The following DMD variants were observed in gnomAD, a reference collection of about 807,000 sequenced individuals.
DMD encodes dystrophin, also known as mutant dystrophin.
DMD carries 63 observed loss-of-function variants against 330.1 expected under a neutral mutation model. The ratio of observed to expected loss-of-function variants is 0.19; its 90% CI spans 0.16 to 0.24. The LOEUF (loss-of-function observed/expected upper bound fraction) is 0.24, where lower values mean the gene tolerates loss of function less well. Ranked by LOEUF, DMD falls within the 10% of genes least tolerant of loss-of-function variation. The pLI is 1.00. For synonymous variants in DMD, 1,223 were observed against 959.8 expected (o/e 1.27, Z -5.07); for missense variants, 3,344 against 2,684.1 (o/e 1.25, Z -5.43).
intron 42 of DMD, among the ~76,000 whole-genome samples, chrX:32,298,286 C>T (rs921137363): frequency 8.2e-5 from 9 of 110,200 alleles, no homozygotes; most frequent in African/African-American, 2.7e-4. Context: ...GGTTGAATTC[C>T]GGATACATTG....
intron 50 of DMD, among the ~76,000 whole-genome samples, chrX:31,797,860 T>C (rs921847973): frequency 2.1e-4 from 24 of 111,820 alleles, no homozygotes; most frequent in Admixed American, 2.1e-3. Flanking sequence ...GGAAGATTTA[T>C]AGGTGGTAAG....
At chrX:31,987,645 T>A (rs2095518962) in intron 44 of DMD, among the ~76,000 whole-genome samples, 1 of 112,170 alleles carries the variant, frequency 8.9e-6, no homozygotes, top group Non-Finnish European at 1.9e-5. Flanking sequence ...TGAGATATCA[T>A]CTCATTCCAG....
intron 76 of DMD, among the ~76,000 whole-genome samples, chrX:31,136,456 T>G (rs984798196): frequency 8.0e-5 from 9 of 112,218 alleles, no homozygotes; most frequent in African/African-American, 2.9e-4. Context: ...CAGGGCTGAT[T>G]ACATCTCTCT....
chrX:32,942,263 G>A (rs73466865), intron 2 of DMD, among the ~76,000 whole-genome samples: 1 of 112,295 alleles, frequency 8.9e-6, no homozygotes, highest in African/African-American at 3.2e-5. Context: ...ATCCATTTTG[G>A]CTGGAGCAGT....
chrX:32,455,142 T>C (rs2098351511), intron 25 of DMD, among the ~76,000 whole-genome samples: 1 of 111,317 alleles, frequency 9.0e-6, no homozygotes, highest in Non-Finnish European at 1.9e-5. Context: ...TAAAATAATA[T>C]GTTTCAGTTG....
intron 63 of DMD, among the ~76,000 whole-genome samples, chrX:31,233,839 A>G (rs1410122285): frequency 3.6e-5 from 4 of 112,134 alleles, no homozygotes; most frequent in African/African-American, 1.3e-4. Flanking sequence ...TCTGGTAACC[A>G]CAGACCAGAG....
chrX:33,116,832 C>A (rs1192536645), intron 1 of DMD, among the ~76,000 whole-genome samples: 1 of 110,446 alleles, frequency 9.1e-6, no homozygotes, highest in Admixed American at 9.8e-5. Flanking sequence ...ATGAGCTGGC[C>A]TGTATAGGAG....
intron 2 of DMD, among the ~76,000 whole-genome samples, chrX:32,877,541 G>T (rs192788843): frequency 8.9e-6 from 1 of 112,159 alleles, no homozygotes; most frequent in East Asian, 2.8e-4. Context: ...TAGCCCTTTA[G>T]AGGTTATAGC....
intron 47 of DMD, among the ~76,000 whole-genome samples, chrX:31,895,213 G>A (rs1306682843): frequency 3.6e-5 from 4 of 111,572 alleles, no homozygotes; most frequent in African/African-American, 1.3e-4. Flanking sequence ...AGGAGAGAAG[G>A]ATGATTTCAC....
chrX:32,689,431 C>T (rs1486899935), intron 9 of DMD, among the ~76,000 whole-genome samples: 3 of 111,003 alleles, frequency 2.7e-5, no homozygotes, highest in Non-Finnish European at 5.7e-5. Context: ...TTTAAACTCT[C>T]AACAAAGAAA....
In DMD at chrX:31,496,799, C is replaced by A. The variant is rs753351870; in HGVS notation, c.8536G>T (p.Asp2846Tyr). The A allele has an allele frequency of 7.4e-6, 9 of 1,212,053 alleles. No individual in the cohort carries two copies. The highest frequency in any genetic ancestry group is 1.0e-5 in the Non-Finnish European group (9 of 895,565). ...TAAAAATGTCCTACCCTATGTACAT[C>A]GTTCTGCTTCTGAACTGCTGGAAAG... ...GDFPAVQKQNDVHRAFKRELK... is the reference protein window; with the variant it reads ...GDFPAVQKQNYVHRAFKRELK... The change falls in exon 57 of 79, where the codon GAT becomes TAT. Residue 2846 changes from aspartate to tyrosine, a missense_variant. Coordinates refer to ENST00000357033, the MANE Select transcript of DMD (RefSeq NM_004006.3).
chrX:32,704,110 A>C (rs1046178998), intron 7 of DMD, among the ~76,000 whole-genome samples: 3 of 112,011 alleles, frequency 2.7e-5, no homozygotes, highest in East Asian at 2.8e-4. Context: ...CTATGGAACA[A>C]ATAAATCATT....
intron 30 of DMD, among the ~76,000 whole-genome samples, chrX:32,398,367 G>T (rs181175607): frequency 3.7e-5 from 4 of 107,982 alleles, no homozygotes; most frequent in African/African-American, 1.3e-4. Context: ...ATAGGCCAAA[G>T]GAAACAGTCT....
At chrX:32,044,990 G>A (rs2096052557) in intron 44 of DMD, among the ~76,000 whole-genome samples, 1 of 111,322 alleles carries the variant, frequency 9.0e-6, no homozygotes, top group Non-Finnish European at 1.9e-5. Context: ...TGTTGGTGGT[G>A]GGGCCTGGCG....
At chrX:33,134,000 A>G (rs987147012) in intron 1 of DMD, among the ~76,000 whole-genome samples, 1 of 111,966 alleles carries the variant, frequency 8.9e-6, no homozygotes, top group Non-Finnish European at 1.9e-5. Flanking sequence ...GTTATTTTAG[A>G]TGATTAGTGT....
chrX:32,626,396 G>A (rs1174210568), intron 11 of DMD, among the ~76,000 whole-genome samples: 3 of 97,159 alleles, frequency 3.1e-5, no homozygotes, highest in Non-Finnish European at 5.7e-5. Context: ...TGAACCCGGG[G>A]GGACAGAGGT....
intron 74 of DMD, among the ~76,000 whole-genome samples, chrX:31,157,995 G>A (rs1224953267): frequency 9.2e-6 from 1 of 108,974 alleles, no homozygotes; most frequent in Non-Finnish European, 1.9e-5. Flanking sequence ...TGTAGAGACG[G>A]TATCTCCCCA....
chrX:32,435,347 G>C (rs1446335678), intron 29 of DMD, among the ~76,000 whole-genome samples: 1 of 98,788 alleles, frequency 1.0e-5, no homozygotes, highest in Non-Finnish European at 2.0e-5. Flanking sequence ...TGATACTCTA[G>C]AATATCATCT....
chrX:32,564,946 A>G (rs2051509804), intron 16 of DMD, among the ~76,000 whole-genome samples: 1 of 111,985 alleles, frequency 8.9e-6, no homozygotes, highest in Non-Finnish European at 1.9e-5. Context: ...ATGCCAGGCT[A>G]TGTGGCAGAA....
Sources: allele counts gnomAD v4.1 joint callset (sites outside exome capture counted in the v4.1 genomes callset), GRCh38; gene constraint gnomAD v4.1.1; transcripts MANE v1.5; gene names NCBI Gene and HGNC (gene_info 2026-07-23, HGNC 2026-07-21).